PRTN3: variants seen among roughly 807,000 people sequenced by gnomAD.
PRTN3 encodes the protein proteinase 3.
Under a neutral mutation model 20.7 loss-of-function variants are expected in PRTN3, and 22 were observed. The observed-to-expected ratio is 1.06, with a 90% CI of 0.76 to 1.52. The LOEUF is 1.52. PRTN3 is among the 40% of genes most tolerant of loss of function. The pLI is 0.00. For missense variants in PRTN3, 378 were observed against 359.6 expected (o/e 1.05, Z -0.41); for synonymous variants, 173 against 152.9 (o/e 1.13, Z -0.97).
chr19:842,335 T>C (rs1440898821), intron 1 of PRTN3, among the ~76,000 whole-genome samples: 1 of 135,384 alleles, frequency 7.4e-6, no homozygotes, highest in East Asian at 2.1e-4. Context: ...TTTTTTTTTT[T>C]GCTTCTTTTT....
At chr19:844,250 GCC>G (rs1420681622) in intron 3 of PRTN3, among the ~76,000 whole-genome samples, 109 of 10,228 alleles carry the variant, frequency 0.011, 1 homozygote, top group Middle Eastern at 0.042. Context: ...CCTCTCCCCC[GCC>G]CGCGCCTCTC....
Position 847,547 on chromosome 19 carries a change from G to A in PRTN3, c.601-252G>A, listed in dbSNP as rs531291767. On this transcript the variant is annotated intron_variant, in intron 4 of 4. Coordinates refer to ENST00000234347, the MANE Select transcript of PRTN3 (RefSeq NM_002777.4). ...AGAGAGAAAGAAAGAAAGAAAGAAA[G>A]AAAAAGAAAGAGAGAGAGAGAGAGA... 3.6e-3 allele frequency among the ~76,000 whole-genome samples: 466 copies of A among 131,146 alleles called. 2 individuals carry two copies. Among genetic ancestry groups the A allele is most frequent in the African/African-American group, 0.014 (440 of 31,384 alleles). The allele number at this position is 131,146 out of a possible 152,430, so 86.0% of individuals were successfully genotyped here.
chr19:843,679 C>A (rs964706412), intron 2 of PRTN3, 53 bp downstream of exon 2: 241 of 1,529,926 alleles, frequency 1.6e-4, no homozygotes, highest in Admixed American at 3.5e-4. Flanking sequence ...CTTCCTCCAG[C>A]CCTGGCCCGG....
intron 1 of PRTN3, 91 bp from the exon 2 acceptor site, chr19:843,370 C>G (rs1224333215): frequency 3.0e-5 from 40 of 1,349,956 alleles, no homozygotes; most frequent in Non-Finnish European, 3.7e-5. Context: ...GATCGGGAGA[C>G]GGAGGCTCGG....
chr19:844,939 A>G (rs2035496838), intron 3 of PRTN3, among the ~76,000 whole-genome samples: 1 of 136,140 alleles, frequency 7.3e-6, no homozygotes, highest in Non-Finnish European at 1.5e-5. Flanking sequence ...CCATCTCTAT[A>G]AAAGACATTT....
chr19:845,408 C>A (rs1049352705), intron 3 of PRTN3, among the ~76,000 whole-genome samples: 4 of 149,178 alleles, frequency 2.7e-5, no homozygotes, highest in African/African-American at 9.8e-5. Context: ...GACCCCATCT[C>A]AAAAAAAAAG....
In PRTN3 at chr19:843,920, C is replaced by A. The variant is rs1348572177; in HGVS notation, c.255C>A (p.Leu85=). The part of the protein sequence containing the change: ...DIPQRLVNVV[L]GAHNVRTQEP... The stretch of plus-strand genomic sequence containing the variant: ...CCCAGCGCCTGGTGAACGTGGTGCT[C>A]GGAGCCCACAACGTGCGGACGCAGG... The change falls in exon 3 of 5, where the codon CTC becomes CTA. Residue 85 remains leucine, a synonymous_variant. Transcript: ENST00000234347. 15 of 1,596,650 alleles carry A rather than the reference C, an allele frequency of 9.4e-6. No individual in the cohort carries two copies.
chr19:847,525 GAGAAAGAA>G (rs201984870), intron 4 of PRTN3, among the ~76,000 whole-genome samples: 121 of 147,744 alleles, frequency 8.2e-4, no homozygotes, highest in Middle Eastern at 3.4e-3. Flanking sequence ...AAGAAAAAGA[GAGAAAGAA>G]AGAAAGAAAG....
chr19:841,107 C>G, intron 1 of PRTN3, 38 bp downstream of exon 1: 1 of 1,594,748 alleles, frequency 6.3e-7, no homozygotes, highest in Non-Finnish European at 8.5e-7. Context: ...AGCCTCCAGG[C>G]CCCGGTGGAT....
At chr19:843,870 G>T in intron 2 of PRTN3, 23 bp from the exon 3 acceptor site, 1 of 1,571,782 alleles carries the variant, frequency 6.4e-7, no homozygotes, top group Non-Finnish European at 8.6e-7. Context: ...GGGCGCCGAG[G>T]AGTGACCACC....
chr19:841,548 A>ATGAATGAGTGAATGAGTGAATGAATGAG (rs1349356799), intron 1 of PRTN3, among the ~76,000 whole-genome samples: 4 of 47,828 alleles, frequency 8.4e-5, no homozygotes, highest in Non-Finnish European at 1.7e-4. Context: ...GAGTGAGTGA[A>ATGAATGAGTGAATGAGTGAATGAATGAG]TGAATGAGTG....
chr19:842,024 GC>G (rs35470230), intron 1 of PRTN3, among the ~76,000 whole-genome samples: 66,355 of 149,536 alleles, frequency 0.44, 14,749 homozygotes, highest in Admixed American at 0.56. Context: ...ACCGCGCCTG[GC>G]CCTTTTTTTT....
At chr19:845,523 TGATC>T (rs2035504731) in intron 3 of PRTN3, among the ~76,000 whole-genome samples, 1 of 151,856 alleles carries the variant, frequency 6.6e-6, no homozygotes, top group Admixed American at 6.6e-5. Context: ...GAGACCAGCC[TGATC>T]GATATGGCAA....
chr19:846,382 G>A lies in PRTN3; in HGVS notation c.600+5G>A. 1 of 1,550,248 alleles carries A rather than the reference G, an allele frequency of 6.5e-7. No homozygotes were observed. Among genetic ancestry groups the A allele is most frequent in the Non-Finnish European group, 8.7e-7 (1 of 1,147,380 alleles). Reference sequence around the variant, plus strand: ...CGCAAGGCCGGCATCTGCTTCGTAAGTAACCGTGCCCCCACCCCGGGCACC... The same window carrying A: ...CGCAAGGCCGGCATCTGCTTCGTAAATAACCGTGCCCCCACCCCGGGCACC... On this transcript the variant is annotated splice_donor_5th_base_variant and intron_variant, in intron 4 of 4. Coordinates refer to ENST00000234347, the MANE Select transcript of PRTN3 (RefSeq NM_002777.4).
chr19:847,293 C>T (rs1287286469), intron 4 of PRTN3, among the ~76,000 whole-genome samples: 1 of 151,846 alleles, frequency 6.6e-6, no homozygotes, highest in African/African-American at 2.4e-5. Flanking sequence ...GAGAACAGAG[C>T]GAGACCCTGT....
intron 4 of PRTN3, among the ~76,000 whole-genome samples, chr19:847,190 C>T (rs2035527925): frequency 6.6e-6 from 1 of 152,138 alleles, no homozygotes; most frequent in African/African-American, 2.4e-5. Flanking sequence ...CCTGTAGGCC[C>T]AGCTACTCAG....
At chr19:847,720 G>A (rs969892992) in intron 4 of PRTN3, 79 bp from the exon 5 acceptor site, 2 of 1,493,306 alleles carry the variant, frequency 1.3e-6, no homozygotes, top group Non-Finnish European at 1.8e-6. Context: ...GGTGGCCCCT[G>A]ATGGGTGACT....
intron 4 of PRTN3, among the ~76,000 whole-genome samples, chr19:847,400 G>A (rs541949214): frequency 6.5e-4 from 99 of 151,838 alleles, no homozygotes; most frequent in African/African-American, 1.9e-3. Context: ...TCACGGCACT[G>A]CACTCCAGCC....
chr19:846,783 T>C (rs535649057), intron 4 of PRTN3, among the ~76,000 whole-genome samples: 119 of 152,220 alleles, frequency 7.8e-4, no homozygotes, highest in Non-Finnish European at 4.0e-4. Context: ...CGCTCTGTTG[T>C]CCAGGCTGGA....
Sources: gnomAD v4.1 joint callset for allele counts (sites outside exome capture counted in the v4.1 genomes callset) on GRCh38, gnomAD v4.1.1 for gene constraint, MANE v1.5 for transcripts, NCBI Gene and HGNC (gene_info 2026-07-23, HGNC 2026-07-21) for gene names.